Variants in SEC13 observed in about 807,000 individuals in gnomAD.
The protein encoded by SEC13 is protein SEC13 homolog.
A neutral mutation model predicts 49.2 loss-of-function variants in SEC13; 25 were observed. The observed-to-expected ratio is 0.51, with a 90% CI of 0.37 to 0.71. SEC13 has a LOEUF of 0.71. Ranked by LOEUF, SEC13 falls within the 30% of genes least tolerant of loss-of-function variation. SEC13 has a pLI of 0.00. For synonymous variants in SEC13, 148 were observed against 163.9 expected (o/e 0.90, Z 0.74); for missense variants, 383 against 417.6 (o/e 0.92, Z 0.72).
rs779736700 is a variant in SEC13, at chr3:10,305,678, G to A, written c.465C>T (p.Ala155=). The A allele has an allele frequency of 8.7e-6, 14 of 1,614,080 alleles. No homozygotes were observed. Among genetic ancestry groups the A allele is most frequent in the East Asian group, 2.2e-5 (1 of 44,896 alleles). The part of the protein sequence containing the change: ...INNAHTIGCN[A]VSWAPAVVPG... Reference sequence around the variant, plus strand: ...GTACAACAGCAGGGGCCCAGCTGACGGCATTGCAGCCAATCTGTAAAGATG... The same window carrying A: ...GTACAACAGCAGGGGCCCAGCTGACAGCATTGCAGCCAATCTGTAAAGATG... The change falls in exon 6 of 9, where the codon GCC becomes GCT. Residue 155 remains alanine, a synonymous_variant. Transcript: ENST00000350697.
chr3:10,304,375 C>T (rs934125722), intron 7 of SEC13, among the ~76,000 whole-genome samples: 10 of 152,180 alleles, frequency 6.6e-5, no homozygotes, highest in Non-Finnish European at 7.3e-5. Context: ...TTCCTTTTCT[C>T]ATCCGGGTTT....
intron 8 of SEC13, among the ~76,000 whole-genome samples, chr3:10,301,587 A>T (rs1574857220): frequency 6.6e-6 from 1 of 152,234 alleles, no homozygotes; most frequent in East Asian, 1.9e-4. Context: ...GCTGTGGATG[A>T]TGATGTCAAC....
chr3:10,311,886 G>A (rs1283940841), intron 5 of SEC13, 79 bp downstream of exon 5: 2 of 1,612,796 alleles, frequency 1.2e-6, no homozygotes, highest in Non-Finnish European at 1.7e-6. Flanking sequence ...ACCCTCCCGT[G>A]CCACCCTCTA....
In SEC13 at chr3:10,319,249, G is replaced by A. The variant is rs761627382; in HGVS notation, c.4-1155C>T. 3.1e-6 allele frequency: 5 copies of A among 1,612,198 alleles called. No homozygotes were observed. In the Admixed American group the frequency reaches 5.0e-5, roughly 16 times the overall value. On this transcript the variant is annotated intron_variant, in intron 1 of 8. Coordinates refer to ENST00000350697, the MANE Select transcript of SEC13 (RefSeq NM_183352.3). ...GGATGGCTGCAAAGCAGTTCAAGAGGTACACACCAAGTAAGCACAGGTTCT... is the reference window on the plus strand; with the variant it reads ...GGATGGCTGCAAAGCAGTTCAAGAGATACACACCAAGTAAGCACAGGTTCT...
rs1197068783 is a variant in SEC13 at position 10,312,044 on chromosome 3, C to G, written c.371G>C (p.Ser124Thr). The G allele has an allele frequency of 6.2e-7, 1 of 1,613,590 alleles. No homozygotes were observed. Among genetic ancestry groups the G allele is most frequent in the South Asian group, 1.1e-5 (1 of 90,950 alleles). The part of the protein sequence containing the change: ...HDYGLILACG[S>T]SDGAISLLTY... ...CAGCAGGGAGATGGCCCCATCCGAG[C>G]TCCCACAGGCCAGGATCAGGCCGTA... Residue 124 changes from serine (S) to threonine (T), a missense_variant, in exon 5 of 9, where the codon AGC becomes ACC. Ser to Thr is a moderately conservative substitution (Grantham distance 58, BLOSUM62 1). Coordinates refer to ENST00000350697, the MANE Select transcript of SEC13 (RefSeq NM_183352.3).
intron 3 of SEC13, chr3:10,313,486 T>C (rs549413255): frequency 5.8e-6 from 3 of 521,692 alleles, no homozygotes; most frequent in South Asian, 2.8e-5. Flanking sequence ...TTTGGAACAA[T>C]GCTTGGTAGA....
In SEC13 at chr3:10,319,176, T is replaced by C. The variant is rs141206674; in HGVS notation, c.4-1082A>G. On this transcript the variant is annotated intron_variant, in intron 1 of 8. Transcript: ENST00000350697. The stretch of plus-strand genomic sequence containing the variant: ...TTCATCTTTTCCAGCACAAGCCCTG[T>C]AGGTATAAAGTTTGACTTGTGATTT... The C allele has an allele frequency of 9.0e-4, 1,450 of 1,613,678 alleles. 14 individuals are homozygous for C. In the African/African-American group the frequency reaches 0.017, roughly 19 times the overall value.
At chr3:10,311,483 C>T (rs1163515185) in intron 5 of SEC13, 3 of 224,546 alleles carry the variant, frequency 1.3e-5, no homozygotes, top group East Asian at 1.8e-4. Flanking sequence ...CATTGATGTT[C>T]GCTTTGCAAA....
At chr3:10,312,140 C>T (rs1419928844) in intron 4 of SEC13, 42 bp from the exon 5 acceptor site, 14 of 1,546,726 alleles carry the variant, frequency 9.1e-6, no homozygotes, top group African/African-American at 5.5e-5. Context: ...GCAGGGAGAC[C>T]GCGGCCCCAG....
chr3:10,305,757 C>G, intron 5 of SEC13, 65 bp from the exon 6 acceptor site: 1 of 1,583,898 alleles, frequency 6.3e-7, no homozygotes, highest in Non-Finnish European at 8.6e-7. Context: ...AGACCCAAGC[C>G]TGCTGTCCCT....
chr3:10,319,042 G>T, intron 1 of SEC13: 1 of 1,110,228 alleles, frequency 9.0e-7, no homozygotes, highest in African/African-American at 1.6e-5. Context: ...AACAAAAGCT[G>T]TTATTTTTTT....
intron 2 of SEC13, among the ~76,000 whole-genome samples, chr3:10,315,845 T>C (rs1466415470): frequency 6.6e-6 from 1 of 152,218 alleles, no homozygotes; most frequent in South Asian, 2.1e-4. Context: ...TAGCACCTGA[T>C]GCTAATGCAT....
intron 8 of SEC13, among the ~76,000 whole-genome samples, chr3:10,302,656 T>C (rs566312899): frequency 1.5e-4 from 23 of 152,212 alleles, no homozygotes; most frequent in Admixed American, 1.3e-3. Context: ...GCCTGCTAGA[T>C]CTTTCTGGGA....
Position 10,318,052 on chromosome 3 carries a change from T to C in SEC13, c.46A>G (p.Ile16Val). 1 of 1,601,926 alleles carries C rather than the reference T, an allele frequency of 6.2e-7. No individual in the cohort carries two copies. Among genetic ancestry groups the C allele is most frequent in the East Asian group, 2.2e-5 (1 of 44,792 alleles). ...GGGAGGGTGATATTAATACTTACAATCATGTCCTCATGGGAGGTATCCACA... is the reference window on the plus strand; with the variant it reads ...GGGAGGGTGATATTAATACTTACAACCATGTCCTCATGGGAGGTATCCACA... The part of the protein sequence containing the change: ...NTVDTSHEDM[I>V]HDAQMDYYGT... Residue 16 changes from isoleucine (I) to valine (V), a missense_variant and splice_region_variant, in exon 2 of 9, where the codon ATT becomes GTT. By Grantham distance (29) the Ile-to-Val change is conservative. Transcript: ENST00000350697.
chr3:10,312,076 G>A lies in SEC13; in HGVS notation c.339C>T (p.Pro113=), dbSNP rs748597485. Residue 113 remains proline, a synonymous_variant, in exon 5 of 9, where the codon CCC becomes CCT. Coordinates refer to ENST00000350697, the MANE Select transcript of SEC13 (RefSeq NM_183352.3). ...AGGCCAGGATCAGGCCGTAGTCATG[G>A]GGGGCCCAGCACACCGAGTTCACTG... The part of the protein sequence containing the change: ...DSSVNSVCWA[P]HDYGLILACG... 4 of 1,608,316 alleles carry A rather than the reference G, an allele frequency of 2.5e-6. No homozygotes were observed. Among genetic ancestry groups the A allele is most frequent in the Admixed American group, 1.7e-5 (1 of 59,058 alleles).
intron 2 of SEC13, 43 bp from the exon 3 acceptor site, chr3:10,315,479 GT>G (rs769460049): frequency 1.7e-6 from 1 of 585,666 alleles, no homozygotes; most frequent in South Asian, 1.9e-5. Flanking sequence ...GGCTGGGTGG[GT>G]GGGTGGGTGG....
chr3:10,312,484 C>T (rs372389210), intron 4 of SEC13, 95 bp downstream of exon 4: 53 of 1,436,628 alleles, frequency 3.7e-5, no homozygotes, highest in South Asian at 3.0e-4. Flanking sequence ...AGACAAGAGG[C>T]ACCACGAGGG....
intron 1 of SEC13, chr3:10,319,267 C>A (rs1408905160): frequency 6.2e-7 from 1 of 1,608,992 alleles, no homozygotes; most frequent in Non-Finnish European, 8.5e-7. Flanking sequence ...CAAGTAAGCA[C>A]AGGTTCTCTC....
At position 10,301,016 on chromosome 3, in the gene SEC13, CAAA is replaced by C; in HGVS notation, c.*242_*244del. The C allele has an allele frequency of 2.7e-6, 4 of 1,503,856 alleles. No individual in the cohort carries two copies. The highest frequency in any genetic ancestry group is 3.6e-6 in the Non-Finnish European group (4 of 1,097,960). The allele number at this position is 1,503,856 out of a possible 1,614,324, so 93.2% of individuals were successfully genotyped here. A position where few individuals can be genotyped will look rare whatever the true frequency, so the allele number is the denominator to read the frequency against. ...AACCCAAAGGTACATAAAAATGACC[CAAA>C]ATAGATTTGAACATCACTTGTAGTT... On this transcript the variant is annotated 3_prime_UTR_variant, in exon 9 of 9. Coordinates refer to ENST00000350697, the MANE Select transcript of SEC13 (RefSeq NM_183352.3).
Sources: gnomAD v4.1 joint callset for allele counts (sites outside exome capture counted in the v4.1 genomes callset) on GRCh38, gnomAD v4.1.1 for gene constraint, MANE v1.5 for transcripts, NCBI Gene and HGNC (gene_info 2026-07-23, HGNC 2026-07-21) for gene names.